Variants in DENND2B observed in about 807,000 individuals in gnomAD.
DENND2B encodes the protein DENN domain-containing protein 2B.
A neutral mutation model predicts 116.0 loss-of-function variants in DENND2B; 32 were observed. The ratio of observed to expected loss-of-function variants is 0.28; its 90% CI spans 0.21 to 0.37. The LOEUF is 0.37. Ranked by LOEUF, DENND2B falls within the 10% of genes least tolerant of loss-of-function variation. The pLI is 1.00. For synonymous variants in DENND2B, 588 were observed against 583.9 expected (o/e 1.01, Z -0.10); for missense variants, 1,276 against 1,477.7 (o/e 0.86, Z 2.24).
chr11:8,901,229 C>CTTTTCTTTTCTTTTTTTTTTTTTTT (rs781408078), intron 1 of DENND2B, among the ~76,000 whole-genome samples: 2 of 83,912 alleles, frequency 2.4e-5, no homozygotes, highest in African/African-American at 4.8e-5. Context: ...CTTTTCTTTT[C>CTTTTCTTTTCTTTTTTTTTTTTTTT]TTTTTTTTTT....
intron 4 of DENND2B, among the ~76,000 whole-genome samples, chr11:8,829,065 TGTG>T (rs1325128602): frequency 4.8e-5 from 7 of 145,560 alleles, no homozygotes; most frequent in Middle Eastern, 3.6e-3. Flanking sequence ...GTGTGTGTGG[TGTG>T]GTGTGTATGG....
intron 1 of DENND2B, among the ~76,000 whole-genome samples, chr11:8,886,429 C>A (rs551575689): frequency 6.6e-6 from 1 of 152,052 alleles, no homozygotes; most frequent in Admixed American, 6.5e-5. Flanking sequence ...GGAGATTCCT[C>A]ACCTCAATTC....
At chr11:8,783,266 C>A (rs1247259665) in intron 1 of DENND2B, among the ~76,000 whole-genome samples, 1 of 152,108 alleles carries the variant, frequency 6.6e-6, no homozygotes, top group South Asian at 2.1e-4. Context: ...GTTGCCCAGG[C>A]TGGTCTCAAA....
intron 8 of DENND2B, 38 bp downstream of exon 8, chr11:8,713,960 C>T (rs374430746): frequency 4.1e-5 from 66 of 1,611,964 alleles, no homozygotes; most frequent in South Asian, 2.7e-4. Flanking sequence ...TGCAGCCCTG[C>T]TGGGAGAGCT....
chr11:8,851,664 G>A (rs1033631557), intron 3 of DENND2B, among the ~76,000 whole-genome samples: 16 of 152,242 alleles, frequency 1.1e-4, no homozygotes, highest in African/African-American at 3.9e-4. Context: ...TCAAGGAACT[G>A]CACTAAAATA....
At chr11:8,714,897 C>T (rs2044438971) in intron 6 of DENND2B, 191 bp from the exon 7 acceptor site, 5 of 572,888 alleles carry the variant, frequency 8.7e-6, no homozygotes, top group Admixed American at 3.1e-5. Context: ...GGTAGCTCTC[C>T]ATATACCTAG....
At chr11:8,901,229 CTT>C (rs1555223231) in intron 1 of DENND2B, among the ~76,000 whole-genome samples, 22 of 83,908 alleles carry the variant, frequency 2.6e-4, no homozygotes, top group African/African-American at 2.4e-4. Context: ...CTTTTCTTTT[CTT>C]TTTTTTTTTT....
intron 2 of DENND2B, among the ~76,000 whole-genome samples, chr11:8,857,993 C>G (rs1450691055): frequency 6.6e-6 from 1 of 152,236 alleles, no homozygotes; most frequent in Non-Finnish European, 1.5e-5. Flanking sequence ...ATTCTGTCCC[C>G]TCTGTGTGGA....
At chr11:8,835,923 T>C (rs529023617) in intron 4 of DENND2B, among the ~76,000 whole-genome samples, 37 of 152,178 alleles carry the variant, frequency 2.4e-4, no homozygotes, top group African/African-American at 8.2e-4. Flanking sequence ...TGAGTACCGA[T>C]CTATCTAAAG....
chr11:8,724,926 T>C lies in DENND2B; in HGVS notation c.1477+1147A>G, dbSNP rs550980996. Among the ~76,000 whole-genome samples, 242 of 152,342 alleles carry C rather than the reference T, an allele frequency of 1.6e-3. 1 individual carries two copies. The highest frequency in any genetic ancestry group is 5.6e-3 in the African/African-American group (231 of 41,582). ...ACGCTTGGGCTCCCCAGCTGGGACA[T>C]GGACCTGCAGTGTGTGCAGCTTCCA... On this transcript the variant is annotated intron_variant, in intron 4 of 19. Coordinates refer to ENST00000313726, the MANE Select transcript of DENND2B (RefSeq NM_213618.2).
At chr11:8,710,745 G>A (rs1186558721) in intron 11 of DENND2B, 100 bp downstream of exon 11, 1 of 1,198,462 alleles carries the variant, frequency 8.3e-7, no homozygotes, top group Non-Finnish European at 1.2e-6. Context: ...AGCTAAAATT[G>A]CAGAAGGGCA....
At chr11:8,740,216 CAAGAA>C (rs2049955887) in intron 2 of DENND2B, among the ~76,000 whole-genome samples, 1 of 148,774 alleles carries the variant, frequency 6.7e-6, no homozygotes, top group African/African-American at 2.5e-5. Context: ...AAAAAAGAAA[CAAGAA>C]AAGAAAAAGC....
upstream of DENND2B, among the ~76,000 whole-genome samples, chr11:8,875,124 C>T (rs2063828706): frequency 6.6e-6 from 1 of 151,930 alleles, no homozygotes; most frequent in South Asian, 2.1e-4. Context: ...GAGATGGAGA[C>T]CATCCTGGCT....
At chr11:8,803,018 G>C (rs2060490784) in intron 1 of DENND2B, among the ~76,000 whole-genome samples, 1 of 152,150 alleles carries the variant, frequency 6.6e-6, no homozygotes, top group Non-Finnish European at 1.5e-5. Flanking sequence ...GAAATAAAAA[G>C]TATAAAATAT....
chr11:8,744,444 G>GT (rs1261053096), intron 2 of DENND2B, among the ~76,000 whole-genome samples: 1 of 152,068 alleles, frequency 6.6e-6, no homozygotes, highest in African/African-American at 2.4e-5. Flanking sequence ...AACCCATGAA[G>GT]TTTTTAAAGG....
At chr11:8,847,809 T>C (rs1435853727) in intron 3 of DENND2B, among the ~76,000 whole-genome samples, 1 of 152,090 alleles carries the variant, frequency 6.6e-6, no homozygotes, top group Admixed American at 6.5e-5. Context: ...GAAAAAGATA[T>C]AAAATACAAA....
chr11:8,724,340 C>T (rs2046721140), intron 4 of DENND2B, among the ~76,000 whole-genome samples: 1 of 152,080 alleles, frequency 6.6e-6, no homozygotes, highest in South Asian at 2.1e-4. Context: ...CTGGAGGTTT[C>T]CCTCTACCCT....
chr11:8,772,349 A>G (rs2057038346), intron 1 of DENND2B, among the ~76,000 whole-genome samples: 2 of 152,096 alleles, frequency 1.3e-5, no homozygotes, highest in South Asian at 4.1e-4. Context: ...CCAACTTTAT[A>G]GTGAGTTGGT....
chr11:8,714,162 G>A, intron 7 of DENND2B, 120 bp from the exon 8 acceptor site: 1 of 1,056,404 alleles, frequency 9.5e-7, no homozygotes, highest in South Asian at 1.3e-5. Flanking sequence ...GCTACTCTGG[G>A]CCCATGGTCA....
Sources: gnomAD v4.1 joint callset for allele counts (sites outside exome capture counted in the v4.1 genomes callset) on GRCh38, gnomAD v4.1.1 for gene constraint, MANE v1.5 for transcripts, NCBI Gene and HGNC (gene_info 2026-07-23, HGNC 2026-07-21) for gene names.